KALRN: variants seen among roughly 807,000 people sequenced by gnomAD.
The protein encoded by KALRN is kalirin RhoGEF kinase, also known as kalirin.
KALRN carries 70 observed loss-of-function variants against 353.7 expected under a neutral mutation model. The ratio of observed to expected loss-of-function variants is 0.20; its 90% CI spans 0.16 to 0.24. The LOEUF (loss-of-function observed/expected upper bound fraction) is 0.24. Among genes scored for constraint, KALRN ranks in the 10% least tolerant of loss-of-function variants. The probability of loss-of-function intolerance (pLI) is 1.00; values close to 1 mark genes in which losing one functional copy is unlikely to be tolerated. For synonymous variants in KALRN, 1,391 were observed against 1,434.8 expected, an observed-to-expected ratio of 0.97 and a Z score of 0.69; for missense variants, 2,791 against 3,756.7, an observed-to-expected ratio of 0.74 and a Z score of 6.72.
At chr3:124,658,627 C>T in intron 42 of KALRN, 110 bp downstream of exon 42, 2 of 793,942 alleles carry the variant, frequency 2.5e-6, no homozygotes, top group Non-Finnish European at 4.4e-6. Flanking sequence ...CCACACAGCA[C>T]CGTTGACCCA....
intron 1 of KALRN, among the ~76,000 whole-genome samples, chr3:124,212,811 A>T (rs2077012471): frequency 6.6e-6 from 1 of 152,196 alleles, no homozygotes; most frequent in Non-Finnish European, 1.5e-5. Context: ...TGCAAATTTA[A>T]TGGATTTTTA....
At chr3:124,154,221 C>T (rs900845903) in intron 1 of KALRN, among the ~76,000 whole-genome samples, 7 of 152,200 alleles carry the variant, frequency 4.6e-5, no homozygotes, top group African/African-American at 7.2e-5. Flanking sequence ...TGCCCTCTCT[C>T]ACCACTTCTA....
intron 34 of KALRN, among the ~76,000 whole-genome samples, chr3:124,575,240 T>C (rs1428904327): frequency 1.3e-5 from 2 of 152,186 alleles, no homozygotes; most frequent in Admixed American, 6.5e-5. Flanking sequence ...TGCCTTACTT[T>C]CCACATGGGC....
intron 1 of KALRN, among the ~76,000 whole-genome samples, chr3:124,045,283 T>G (rs536180429): frequency 1.6e-4 from 24 of 152,056 alleles, no homozygotes; most frequent in South Asian, 6.2e-4. Context: ...TAGGAACAAT[T>G]GGGGAAAAGA....
intron 23 of KALRN, among the ~76,000 whole-genome samples, chr3:124,461,294 C>A (rs1283325928): frequency 6.6e-6 from 1 of 151,860 alleles, no homozygotes; most frequent in Admixed American, 6.6e-5. Flanking sequence ...ATGACAACAG[C>A]AAAGTTGAGT....
At chr3:124,691,297 G>A (rs376831815) in intron 51 of KALRN, among the ~76,000 whole-genome samples, 22 of 152,180 alleles carry the variant, frequency 1.4e-4, no homozygotes, top group East Asian at 7.7e-4. Flanking sequence ...GCATGGTGGC[G>A]CATGCCTGTA....
intron 33 of KALRN, among the ~76,000 whole-genome samples, chr3:124,557,710 A>G (rs1221081969): frequency 2.6e-5 from 4 of 152,184 alleles, no homozygotes; most frequent in African/African-American, 4.8e-5. Context: ...AGATGATCAG[A>G]TGGAAGAAGT....
chr3:124,102,732 T>C (rs918371546), intron 1 of KALRN, among the ~76,000 whole-genome samples: 1 of 152,240 alleles, frequency 6.6e-6, no homozygotes, highest in Non-Finnish European at 1.5e-5. Flanking sequence ...CACTATCCTT[T>C]GTATTTTCAC....
intron 33 of KALRN, among the ~76,000 whole-genome samples, chr3:124,560,770 A>T (rs1352599011): frequency 6.6e-6 from 1 of 152,192 alleles, no homozygotes; most frequent in East Asian, 1.9e-4. Flanking sequence ...CCAGCTACTC[A>T]GCAGGCTGAG....
intron 6 of KALRN, among the ~76,000 whole-genome samples, chr3:124,301,080 C>T (rs1451672747): frequency 1.3e-5 from 2 of 152,194 alleles, no homozygotes; most frequent in Non-Finnish European, 2.9e-5. Context: ...CAGACAAACT[C>T]ATTTTAATAA....
At chr3:124,566,068 CT>C (rs2072771738) in intron 34 of KALRN, among the ~76,000 whole-genome samples, 1 of 152,160 alleles carries the variant, frequency 6.6e-6, no homozygotes, top group South Asian at 2.1e-4. Flanking sequence ...ATTTCTTTGG[CT>C]TTTTATTTCC....
intron 37 of KALRN, among the ~76,000 whole-genome samples, chr3:124,646,411 G>A (rs2082734978): frequency 1.2e-5 from 1 of 83,670 alleles, no homozygotes; most frequent in Admixed American, 1.4e-4. Context: ...TTTTTTTTGA[G>A]ACAGAGCCTT....
chr3:124,542,384 A>G (rs547939017), intron 33 of KALRN, among the ~76,000 whole-genome samples: 1 of 152,300 alleles, frequency 6.6e-6, no homozygotes, highest in Non-Finnish European at 1.5e-5. Flanking sequence ...ATACACATGA[A>G]AACACTTTGT....
chr3:124,243,996 C>G (rs1181524892), intron 3 of KALRN, among the ~76,000 whole-genome samples: 1 of 152,120 alleles, frequency 6.6e-6, no homozygotes, highest in Non-Finnish European at 1.5e-5. Context: ...AGGATTAGAG[C>G]TAGTAGTGAT....
chr3:124,377,894 T>A (rs2086806694), intron 10 of KALRN, among the ~76,000 whole-genome samples: 1 of 152,178 alleles, frequency 6.6e-6, no homozygotes, highest in Non-Finnish European at 1.5e-5. Flanking sequence ...GTTATCATGC[T>A]GTATCTTTTT....
intron 33 of KALRN, among the ~76,000 whole-genome samples, chr3:124,526,882 T>C (rs1246938398): frequency 9.2e-5 from 14 of 152,186 alleles, no homozygotes; most frequent in Admixed American, 2.6e-4. Flanking sequence ...TGGGTATCCA[T>C]CACATCATTC....
intron 1 of KALRN, chr3:124,152,071 A>G: frequency 7.6e-7 from 1 of 1,310,962 alleles, no homozygotes; most frequent in Non-Finnish European, 1.1e-6. Flanking sequence ...AAGATAATTT[A>G]AAGGGCCACA....
chr3:124,460,898 GCATAACA>G (rs774145197), intron 23 of KALRN, among the ~76,000 whole-genome samples: 6 of 152,158 alleles, frequency 3.9e-5, no homozygotes, highest in Non-Finnish European at 8.8e-5. Flanking sequence ...CTTTAAAGAT[GCATAACA>G]CAGACTTCTC....
intron 1 of KALRN, among the ~76,000 whole-genome samples, chr3:124,108,934 G>T (rs1251222669): frequency 6.6e-6 from 1 of 151,992 alleles, no homozygotes; most frequent in Non-Finnish European, 1.5e-5. Context: ...ATATAATTTG[G>T]GATGCTTTTG....
Sources: allele counts gnomAD v4.1 joint callset (sites outside exome capture counted in the v4.1 genomes callset), GRCh38; gene constraint gnomAD v4.1.1; transcripts MANE v1.5; gene names NCBI Gene and HGNC (gene_info 2026-07-23, HGNC 2026-07-21).